ATL2: variants seen among roughly 807,000 people sequenced by gnomAD.
The protein encoded by ATL2 is atlastin-2.
In ATL2, 31 loss-of-function variants were observed where a neutral mutation model predicts 73.9. The ratio of observed to expected loss-of-function variants is 0.42; its 90% CI spans 0.32 to 0.57. The LOEUF (loss-of-function observed/expected upper bound fraction) is 0.57. Ranked by LOEUF, ATL2 falls within the 20% of genes least tolerant of loss-of-function variation. The pLI, the probability that ATL2 is intolerant of heterozygous loss-of-function variation, is 0.14. For missense variants in ATL2, 738 were observed against 702.6 expected (o/e 1.05, Z -0.57); for synonymous variants, 291 against 237.5 (o/e 1.23, Z -2.07).
intron 1 of ATL2, among the ~76,000 whole-genome samples, chr2:38,356,541 C>T (rs1670680560): frequency 6.6e-6 from 1 of 152,070 alleles, no homozygotes. Flanking sequence ...TATTTTACAC[C>T]TACAGCACAT....
chr2:38,301,279 T>C (rs1160649898), intron 9 of ATL2, among the ~76,000 whole-genome samples: 1 of 152,186 alleles, frequency 6.6e-6, no homozygotes, highest in African/African-American at 2.4e-5. Context: ...TCATCTCAAC[T>C]TTCCACTGAC....
intron 1 of ATL2, among the ~76,000 whole-genome samples, chr2:38,369,813 G>C (rs894124481): frequency 6.6e-6 from 1 of 151,890 alleles, no homozygotes; most frequent in Non-Finnish European, 1.5e-5. Context: ...AAAATTCTAA[G>C]AACAGGGGTG....
At chr2:38,321,939 T>C (rs533440019) in intron 2 of ATL2, among the ~76,000 whole-genome samples, 115 of 152,192 alleles carry the variant, frequency 7.6e-4, no homozygotes, top group African/African-American at 2.7e-3. Flanking sequence ...TAACAATCCA[T>C]CTTTAATTTA....
intron 1 of ATL2, among the ~76,000 whole-genome samples, chr2:38,359,039 T>A (rs555131804): frequency 6.6e-6 from 1 of 152,136 alleles, no homozygotes; most frequent in South Asian, 2.1e-4. Context: ...AGAACTACAA[T>A]GCAAATTACA....
chr2:38,366,024 C>T (rs1021433321), intron 1 of ATL2, among the ~76,000 whole-genome samples: 2 of 150,320 alleles, frequency 1.3e-5, no homozygotes, highest in Admixed American at 6.7e-5. Context: ...CAAGAGCAGC[C>T]GTGAAAAGAA....
intron 1 of ATL2, among the ~76,000 whole-genome samples, chr2:38,369,160 A>G (rs946312905): frequency 6.6e-6 from 1 of 152,130 alleles, no homozygotes; most frequent in African/African-American, 2.4e-5. Context: ...TTGAAAATGT[A>G]CATGTCAGGC....
intron 6 of ATL2, among the ~76,000 whole-genome samples, chr2:38,313,570 C>T (rs1015401974): frequency 3.3e-5 from 5 of 152,138 alleles, no homozygotes; most frequent in African/African-American, 1.2e-4. Context: ...GGTTGTGTAA[C>T]TACAAGACCA....
At chr2:38,377,347 C>G (rs1398238011), upstream of ATL2, 3 of 1,187,878 alleles carry the variant, frequency 2.5e-6, no homozygotes, top group African/African-American at 1.6e-5. Context: ...GGGTGGCCGG[C>G]GGGTCCTAGC....
chr2:38,375,488 A>G (rs1671908341), intron 1 of ATL2, among the ~76,000 whole-genome samples: 1 of 152,192 alleles, frequency 6.6e-6, no homozygotes, highest in African/African-American at 2.4e-5. Flanking sequence ...TATTTCAACA[A>G]CAATCTGAAG....
intron 2 of ATL2, among the ~76,000 whole-genome samples, chr2:38,335,346 C>T (rs1334282242): frequency 1.3e-5 from 2 of 152,128 alleles, no homozygotes; most frequent in Non-Finnish European, 2.9e-5. Context: ...ACCCATATGT[C>T]TATCAGTAGA....
chr2:38,298,337 G>T lies in ATL2; in HGVS notation c.1439C>A (p.Ala480Glu). The T allele has an allele frequency of 6.2e-7, 1 of 1,614,168 alleles. No individual in the cohort carries two copies. The highest frequency in any genetic ancestry group is 8.5e-7 in the Non-Finnish European group (1 of 1,180,018). The change falls in exon 12 of 13, where the codon GCG (alanine) becomes GAG (glutamate). Residue 480 changes from alanine (A) to glutamate (E), a missense_variant. Coordinates refer to ENST00000378954, the MANE Select transcript of ATL2 (RefSeq NM_001135673.4). Reference sequence around the variant, plus strand: ...GATTATATACATAGCAAACATGACCGCAAACAGTGTGGCTGGGGTACGAGC... The same window carrying T: ...GATTATATACATAGCAAACATGACCTCAAACAGTGTGGCTGGGGTACGAGC... ...YAARTPATLF[A>E]VMFAMYIISG...
chr2:38,296,404 C>T, intron 12 of ATL2: 2 of 1,535,598 alleles, frequency 1.3e-6, no homozygotes, highest in South Asian at 1.2e-5. Context: ...TTATGCAGAC[C>T]GGCCCAGACG....
intron 2 of ATL2, among the ~76,000 whole-genome samples, chr2:38,327,404 A>G (rs979097144): frequency 6.6e-6 from 1 of 152,086 alleles, no homozygotes; most frequent in Non-Finnish European, 1.5e-5. Flanking sequence ...GTAAATGTAC[A>G]TTGCAAACTC....
At chr2:38,353,227 T>C (rs1238839696) in intron 1 of ATL2, among the ~76,000 whole-genome samples, 1 of 152,030 alleles carries the variant, frequency 6.6e-6, no homozygotes, top group Non-Finnish European at 1.5e-5. Flanking sequence ...AATAAATAAA[T>C]AGATGAGGAG....
intron 5 of ATL2, among the ~76,000 whole-genome samples, chr2:38,315,056 A>G (rs959352326): frequency 1.3e-5 from 2 of 152,228 alleles, no homozygotes; most frequent in Non-Finnish European, 2.9e-5. Context: ...GTTCAAGACC[A>G]GCCTGACCAA....
At chr2:38,365,817 T>C (rs982635189) in intron 1 of ATL2, among the ~76,000 whole-genome samples, 1 of 151,690 alleles carries the variant, frequency 6.6e-6, no homozygotes, top group African/African-American at 2.4e-5. Context: ...TGTGGTGGTG[T>C]GTACCTAAAA....
In ATL2 at chr2:38,309,417, A is replaced by T; in HGVS notation, c.1033T>A (p.Ser345Thr). ...ENLVEKEISG[S>T]KVTCRDLVEY... ...ACAAGATCTCTACAAGTGACTTTAG[A>T]TCCACTTATCTCTTTTTCTACCAAA... Residue 345 changes from serine to threonine, a missense_variant, in exon 9 of 13, where the codon TCT becomes ACT. Coordinates refer to ENST00000378954, the MANE Select transcript of ATL2 (RefSeq NM_001135673.4). 10 of 1,612,072 alleles carry T rather than the reference A, an allele frequency of 6.2e-6. No homozygotes were observed. Among genetic ancestry groups the T allele is most frequent in the Non-Finnish European group, 8.5e-6 (10 of 1,179,644 alleles).
chr2:38,305,158 A>G (rs1667382078), intron 9 of ATL2, among the ~76,000 whole-genome samples: 1 of 152,254 alleles, frequency 6.6e-6, no homozygotes, highest in African/African-American at 2.4e-5. Flanking sequence ...CAATTCAGCA[A>G]GAGGATATAA....
At chr2:38,350,184 T>C (rs1670257951) in intron 1 of ATL2, among the ~76,000 whole-genome samples, 1 of 152,204 alleles carries the variant, frequency 6.6e-6, no homozygotes, top group Non-Finnish European at 1.5e-5. Flanking sequence ...CATTCTTCAA[T>C]GCCAAAAATT....
Sources: gnomAD v4.1 joint callset for allele counts (sites outside exome capture counted in the v4.1 genomes callset) on GRCh38, gnomAD v4.1.1 for gene constraint, MANE v1.5 for transcripts, NCBI Gene and HGNC (gene_info 2026-07-23, HGNC 2026-07-21) for gene names.